FGF14: variants seen among roughly 807,000 people sequenced by gnomAD.
FGF14 encodes the protein fibroblast growth factor 14, also known as fibroblast growth factor homologous factor 4.
FGF14 carries 5 observed loss-of-function variants against 25.5 expected under a neutral mutation model. That is an observed-to-expected ratio of 0.20 (90% confidence interval 0.10 to 0.41). The LOEUF (loss-of-function observed/expected upper bound fraction) is 0.41, where lower values mean the gene tolerates loss of function less well. Among genes scored for constraint, FGF14 ranks in the 10% least tolerant of loss-of-function variants. The probability of loss-of-function intolerance (pLI) is 1.00; values close to 1 mark genes in which losing one functional copy is unlikely to be tolerated. For synonymous variants in FGF14, 138 were observed against 118.3 expected (o/e 1.17, Z -1.08); for missense variants, 222 against 320.1 (o/e 0.69, Z 2.34).
intron 1 of FGF14, among the ~76,000 whole-genome samples, chr13:102,161,588 A>AGAAGAGGAAGAGGAAGAG (rs2047667190): frequency 4.4e-4 from 1 of 2,284 alleles, no homozygotes; most frequent in Non-Finnish European, 6.4e-4. Flanking sequence ...AAGAAGAAGA[A>AGAAGAGGAAGAGGAAGAG]GAAGAAGAAG....
At chr13:101,876,370 G>A (rs555870459) in intron 1 of FGF14, among the ~76,000 whole-genome samples, 5 of 152,316 alleles carry the variant, frequency 3.3e-5, no homozygotes, top group South Asian at 4.1e-4. Flanking sequence ...ACAGTCGGAC[G>A]TTACTGAGTA....
At chr13:101,774,666 A>T (rs1331950751) in intron 3 of FGF14, among the ~76,000 whole-genome samples, 28 of 152,128 alleles carry the variant, frequency 1.8e-4, no homozygotes, top group Admixed American at 1.8e-3. Flanking sequence ...TTGGATAAAG[A>T]GTGAATCTTT....
Position 102,197,185 on chromosome 13 carries a change from G to A in FGF14, c.208+204286C>T, listed in dbSNP as rs186262168. Among the ~76,000 whole-genome samples, 298 of 145,902 alleles carry A rather than the reference G, an allele frequency of 2.0e-3. 1 individual carries two copies. Among genetic ancestry groups the A allele is most frequent in the African/African-American group, 7.3e-3 (284 of 38,694 alleles). ...TTAGTTTTCCTATTGAGGTTTTATC[G>A]TACTCTCTCCAAGCCAATGACTTCT... On this transcript the variant is annotated intron_variant, in intron 1 of 4. Coordinates refer to the FGF14 transcript ENST00000376131.
At chr13:102,206,717 T>C (rs893264253) in intron 1 of FGF14, among the ~76,000 whole-genome samples, 2 of 152,030 alleles carry the variant, frequency 1.3e-5, no homozygotes, top group African/African-American at 4.8e-5. Context: ...TGAAGTGTTT[T>C]GAAGGTGTTT....
At chr13:102,357,993 A>C (rs981249708) in intron 1 of FGF14, among the ~76,000 whole-genome samples, 5 of 152,186 alleles carry the variant, frequency 3.3e-5, no homozygotes, top group African/African-American at 1.2e-4. Flanking sequence ...CACCAACAGC[A>C]ATCAGATTAT....
chr13:102,072,357 C>T (rs527379862), intron 1 of FGF14, among the ~76,000 whole-genome samples: 1 of 152,030 alleles, frequency 6.6e-6, no homozygotes, highest in African/African-American at 2.4e-5. Flanking sequence ...AACAATAAAG[C>T]AGAAAAGGAT....
At chr13:101,908,215 T>C (rs2032487481) in intron 1 of FGF14, among the ~76,000 whole-genome samples, 1 of 152,168 alleles carries the variant, frequency 6.6e-6, no homozygotes, top group Non-Finnish European at 1.5e-5. Flanking sequence ...TGTGTCTGCG[T>C]ATTTTTCTTC....
intron 1 of FGF14, among the ~76,000 whole-genome samples, chr13:101,912,478 C>G (rs1396131717): frequency 6.6e-6 from 1 of 152,120 alleles, no homozygotes; most frequent in African/African-American, 2.4e-5. Flanking sequence ...TTTGGGGATA[C>G]AATGTTCATT....
intron 1 of FGF14, among the ~76,000 whole-genome samples, chr13:101,963,716 T>C (rs186643650): frequency 1.3e-5 from 2 of 152,358 alleles, no homozygotes; most frequent in South Asian, 2.1e-4. Context: ...ATTGAACTCA[T>C]TCTGTGTTCA....
chr13:101,799,788 T>C (rs1212686839), intron 3 of FGF14, among the ~76,000 whole-genome samples: 1 of 151,970 alleles, frequency 6.6e-6, no homozygotes. Context: ...AAATGAACAT[T>C]AGGAACTAAG....
At chr13:102,308,315 A>G (rs966414460) in intron 1 of FGF14, among the ~76,000 whole-genome samples, 2 of 152,220 alleles carry the variant, frequency 1.3e-5, no homozygotes, top group African/African-American at 4.8e-5. Context: ...TTCAATCCTG[A>G]TTACAAAAGT....
At chr13:101,823,313 T>G (rs1205785568) in intron 3 of FGF14, among the ~76,000 whole-genome samples, 1 of 150,950 alleles carries the variant, frequency 6.6e-6, no homozygotes, top group African/African-American at 2.4e-5. Context: ...GCTATTATTC[T>G]ACTCTCTCTC....
intron 1 of FGF14, among the ~76,000 whole-genome samples, chr13:101,979,424 A>G (rs1199985619): frequency 6.6e-6 from 1 of 152,110 alleles, no homozygotes; most frequent in Non-Finnish European, 1.5e-5. Context: ...ATCTCACTGA[A>G]TTTCCCTTAA....
intron 1 of FGF14, chr13:102,401,412 G>T: frequency 6.6e-7 from 1 of 1,508,910 alleles, no homozygotes; most frequent in Non-Finnish European, 9.2e-7. Flanking sequence ...GATCTAGCTC[G>T]ATGAGCAACA....
At chr13:101,981,199 G>A (rs980066446) in intron 1 of FGF14, among the ~76,000 whole-genome samples, 6 of 151,764 alleles carry the variant, frequency 4.0e-5, no homozygotes, top group African/African-American at 1.5e-4. Flanking sequence ...AGAATCCCTT[G>A]AGCCCGGGAG....
chr13:102,180,092 G>A (rs1457497388), intron 1 of FGF14, among the ~76,000 whole-genome samples: 1 of 152,102 alleles, frequency 6.6e-6, no homozygotes, highest in Non-Finnish European at 1.5e-5. Flanking sequence ...TCAATGGAGA[G>A]AAAGGTTAAC....
At chr13:102,141,005 C>T (rs965811953) in intron 1 of FGF14, among the ~76,000 whole-genome samples, 74 of 152,144 alleles carry the variant, frequency 4.9e-4, no homozygotes, top group African/African-American at 1.6e-3. Flanking sequence ...ATTAATGCCA[C>T]CAAAATTTTC....
At chr13:102,216,575 T>C (rs1442321262) in intron 1 of FGF14, among the ~76,000 whole-genome samples, 1 of 152,230 alleles carries the variant, frequency 6.6e-6, no homozygotes, top group Admixed American at 6.5e-5. Flanking sequence ...GGGTACAACA[T>C]GATGTTTTGA....
At chr13:101,772,203 A>G (rs2038821949) in intron 3 of FGF14, among the ~76,000 whole-genome samples, 2 of 152,104 alleles carry the variant, frequency 1.3e-5, no homozygotes, top group African/African-American at 2.4e-5. Flanking sequence ...TCAAGTTCAA[A>G]GACAAAAATA....
Sources: gnomAD v4.1 joint callset for allele counts (sites outside exome capture counted in the v4.1 genomes callset) on GRCh38, gnomAD v4.1.1 for gene constraint, MANE v1.5 for transcripts, NCBI Gene and HGNC (gene_info 2026-07-23, HGNC 2026-07-21) for gene names.